The following LRP6 variants were observed in gnomAD, a reference collection of about 807,000 sequenced individuals.
LRP6 encodes the protein LDL receptor related protein 6.
A neutral mutation model predicts 184.1 loss-of-function variants in LRP6; 43 were observed. The observed-to-expected ratio is 0.23, with a 90% confidence interval of 0.18 to 0.30. The LOEUF (loss-of-function observed/expected upper bound fraction) is 0.30, where lower values mean the gene tolerates loss of function less well. Among genes scored for constraint, LRP6 ranks in the 10% least tolerant of loss-of-function variants. The pLI, the probability that LRP6 is intolerant of heterozygous loss-of-function variation, is 1.00. For missense variants in LRP6, 1,571 were observed against 2,005.3 expected, an observed-to-expected ratio of 0.78 and a Z score of 4.14; for synonymous variants, 719 against 684.9, an observed-to-expected ratio of 1.05 and a Z score of -0.78.
At chr12:12,191,502 T>G (rs1315426867) in intron 3 of LRP6, among the ~76,000 whole-genome samples, 2 of 152,114 alleles carry the variant, frequency 1.3e-5, no homozygotes, top group African/African-American at 4.8e-5. Context: ...CAGTTTCACC[T>G]GAAAATAAGA....
chr12:12,133,847 G>GTTT (rs1565539992), intron 17 of LRP6, among the ~76,000 whole-genome samples: 7 of 43,218 alleles, frequency 1.6e-4, no homozygotes, highest in Non-Finnish European at 2.8e-4. Flanking sequence ...CTATTTTTTG[G>GTTT]GGGGGGGGGG....
At chr12:12,189,856 G>T (rs576994244) in intron 3 of LRP6, among the ~76,000 whole-genome samples, 1 of 151,588 alleles carries the variant, frequency 6.6e-6, no homozygotes, top group Non-Finnish European at 1.5e-5. Context: ...ATTTCCTCCC[G>T]CCACAAGCCA....
In LRP6 at chr12:12,264,462, T is replaced by C. The variant is rs550058985; in HGVS notation, c.55+2219A>G. 9.6e-4 allele frequency among the ~76,000 whole-genome samples: 146 copies of C among 152,308 alleles called. 1 individual carries two copies. Among genetic ancestry groups the C allele is most frequent in the African/African-American group, 3.1e-3 (127 of 41,566 alleles). ...TCCTTTATACCTTGTCATGTGATGATAGAGATAGGGACACAGCACTAACAG... is the reference window on the plus strand; with the variant it reads ...TCCTTTATACCTTGTCATGTGATGACAGAGATAGGGACACAGCACTAACAG... On this transcript the variant is annotated intron_variant, in intron 1 of 22. Coordinates refer to ENST00000261349, the MANE Select transcript of LRP6 (RefSeq NM_002336.3).
At chr12:12,233,201 C>A (rs1864837287) in intron 2 of LRP6, among the ~76,000 whole-genome samples, 2 of 152,132 alleles carry the variant, frequency 1.3e-5, no homozygotes, top group African/African-American at 4.8e-5. Flanking sequence ...GGCGCGGTGG[C>A]TCATGCTTGT....
chr12:12,124,030 G>A (rs1949638115), intron 22 of LRP6, among the ~76,000 whole-genome samples: 1 of 151,810 alleles, frequency 6.6e-6, no homozygotes, highest in African/African-American at 2.4e-5. Flanking sequence ...AAAGCCTGAG[G>A]CTGTATTTTA....
intron 10 of LRP6, among the ~76,000 whole-genome samples, chr12:12,161,759 C>A (rs1422361448): frequency 2.6e-5 from 4 of 151,974 alleles, no homozygotes; most frequent in Non-Finnish European, 5.9e-5. Context: ...ACCAAACTAT[C>A]CATTTTGAAT....
At position 12,118,873 on chromosome 12, in the gene LRP6, C is replaced by A. The variant is rs901466466; in HGVS notation, c.*2253G>T. 2.0e-5 allele frequency: 3 copies of A among 152,242 alleles called. No individual in the cohort carries two copies. The highest frequency in any genetic ancestry group is 7.2e-5 in the African/African-American group (3 of 41,464). The allele number at this position is 152,242 out of a possible 1,614,324, so 9.4% of individuals were successfully genotyped here. ...GACTGAGATCCAACAAGGCAATATT[C>A]TTCTTAGTTAATTAGAGTGCAAGTC... On this transcript the variant is annotated 3_prime_UTR_variant, in exon 23 of 23. Coordinates refer to ENST00000261349, the MANE Select transcript of LRP6 (RefSeq NM_002336.3).
chr12:12,139,958 G>A (rs1487630576), intron 15 of LRP6, among the ~76,000 whole-genome samples: 1 of 152,106 alleles, frequency 6.6e-6, no homozygotes, highest in Non-Finnish European at 1.5e-5. Context: ...TTTTAGAATG[G>A]AACAAAGGTA....
chr12:12,237,853 G>C (rs1364180922), intron 2 of LRP6, among the ~76,000 whole-genome samples: 1 of 152,214 alleles, frequency 6.6e-6, no homozygotes, highest in East Asian at 1.9e-4. Context: ...TCCTGGACCA[G>C]AGAAAGGACT....
intron 2 of LRP6, among the ~76,000 whole-genome samples, chr12:12,210,364 G>A (rs908772516): frequency 3.3e-5 from 5 of 152,178 alleles, no homozygotes; most frequent in Non-Finnish European, 7.3e-5. Flanking sequence ...ATTAGATGTG[G>A]TTTGGGAGAG....
intron 2 of LRP6, among the ~76,000 whole-genome samples, chr12:12,205,374 A>G (rs1038412478): frequency 6.7e-6 from 1 of 149,496 alleles, no homozygotes; most frequent in Admixed American, 6.6e-5. Flanking sequence ...TGAGGGTGCT[A>G]TGAAACAGAT....
intron 2 of LRP6, among the ~76,000 whole-genome samples, chr12:12,208,936 A>C (rs1214042674): frequency 1.3e-5 from 2 of 152,224 alleles, no homozygotes; most frequent in African/African-American, 2.4e-5. Flanking sequence ...AGTTAAAAAC[A>C]AGTCCACAGC....
intron 1 of LRP6, among the ~76,000 whole-genome samples, chr12:12,261,083 A>T (rs139448887): frequency 3.5e-4 from 53 of 152,354 alleles, no homozygotes; most frequent in Middle Eastern, 3.4e-3. Flanking sequence ...TCAGTACAGC[A>T]AATGGAAAAA....
chr12:12,128,642 A>T (rs1394274643), intron 19 of LRP6, among the ~76,000 whole-genome samples: 2 of 152,218 alleles, frequency 1.3e-5, no homozygotes, highest in Non-Finnish European at 2.9e-5. Flanking sequence ...ATCTAGTATA[A>T]GATAATAAAA....
chr12:12,151,085 C>T (rs1436043426), intron 12 of LRP6, 47 bp from the exon 13 acceptor site: 1 of 1,397,944 alleles, frequency 7.2e-7, no homozygotes, highest in South Asian at 1.2e-5. Context: ...TACCCTACAT[C>T]CTCTATCATC....
At chr12:12,248,551 G>A (rs192491630) in intron 1 of LRP6, among the ~76,000 whole-genome samples, 1 of 141,404 alleles carries the variant, frequency 7.1e-6, no homozygotes, top group Non-Finnish European at 1.5e-5. Context: ...GTGCAATCTC[G>A]GCTCACTGCA....
At chr12:12,129,525 A>AACACTATT (rs1471504376) in intron 19 of LRP6, among the ~76,000 whole-genome samples, 1 of 152,074 alleles carries the variant, frequency 6.6e-6, no homozygotes, top group African/African-American at 2.4e-5. Context: ...CTACATGATG[A>AACACTATT]ACACTATTCA....
At chr12:12,254,970 T>A (rs1865425055) in intron 1 of LRP6, among the ~76,000 whole-genome samples, 2 of 152,192 alleles carry the variant, frequency 1.3e-5, no homozygotes, top group African/African-American at 4.8e-5. Flanking sequence ...ATCAGATTCC[T>A]TAAAAAAACT....
At chr12:12,124,795 G>A (rs552379726) in intron 21 of LRP6, 133 bp from the exon 22 acceptor site, 1 of 641,490 alleles carries the variant, frequency 1.6e-6, no homozygotes, top group East Asian at 2.8e-5. Context: ...CTTTTCCAAA[G>A]AATTGACCTC....
Sources: gnomAD v4.1 joint callset for allele counts (sites outside exome capture counted in the v4.1 genomes callset) on GRCh38, gnomAD v4.1.1 for gene constraint, MANE v1.5 for transcripts, NCBI Gene and HGNC (gene_info 2026-07-23, HGNC 2026-07-21) for gene names.